The following MEGF6 variants were observed in gnomAD, a reference collection of about 807,000 sequenced individuals.
MEGF6 encodes multiple epidermal growth factor-like domains protein 6.
Under a neutral mutation model 207.1 loss-of-function variants are expected in MEGF6, and 184 were observed. That is an observed-to-expected ratio of 0.89 (90% CI 0.79 to 1.00). The LOEUF is 1.00. MEGF6 is among the 50% of genes least tolerant of loss of function. MEGF6 has a pLI of 0.00. For missense variants in MEGF6, 2,282 were observed against 2,202.9 expected (o/e 1.04, Z -0.72); for synonymous variants, 1,038 against 910.0 (o/e 1.14, Z -2.53).
the MEGF6 span, among the ~76,000 whole-genome samples, chr1:3,621,585 C>T: frequency 6.6e-6 from 1 of 152,186 alleles, no homozygotes; most frequent in Non-Finnish European, 1.5e-5. Flanking sequence ...TCTTATTACA[C>T]CGGAACAGCT....
intron 4 of MEGF6, among the ~76,000 whole-genome samples, chr1:3,558,622 A>G (rs970461371): frequency 1.1e-4 from 16 of 152,336 alleles, no homozygotes; most frequent in African/African-American, 3.8e-4. Context: ...GTGCGGTCCA[A>G]CTGCAGCCAA....
At chr1:3,563,651 A>G (rs979763587) in intron 4 of MEGF6, among the ~76,000 whole-genome samples, 11 of 152,210 alleles carry the variant, frequency 7.2e-5, no homozygotes, top group Non-Finnish European at 1.3e-4. Flanking sequence ...CGTCGGTTCT[A>G]TGGTTTTCTG....
At chr1:3,597,152 G>C (rs141400837) in intron 2 of MEGF6, among the ~76,000 whole-genome samples, 1 of 152,364 alleles carries the variant, frequency 6.6e-6, no homozygotes, top group East Asian at 1.9e-4. Context: ...GGTTCACGCA[G>C]GGCTGGGGTC....
At chr1:3,531,498 G>T in intron 4 of MEGF6, 1 of 1,062,806 alleles carries the variant, frequency 9.4e-7, no homozygotes, top group Non-Finnish European at 1.1e-6. Flanking sequence ...GACAACCGAG[G>T]GAGCCGCCCC....
chr1:3,593,049 G>A (rs549416466), intron 3 of MEGF6, among the ~76,000 whole-genome samples: 11 of 152,212 alleles, frequency 7.2e-5, no homozygotes, highest in South Asian at 6.2e-4. Context: ...GAGCCACCAC[G>A]TTCTTCTAAG....
In MEGF6 at chr1:3,499,938, C is replaced by A; in HGVS notation, c.2708-14G>T. The stretch of plus-strand genomic sequence containing the variant: ...CCTGGGGACACTCTGAGATATGCAG[C>A]CCCGGCCCACAGTCAGCCAGAGGGC... On this transcript the variant is annotated splice_polypyrimidine_tract_variant and intron_variant, in intron 21 of 36. Transcript: ENST00000356575. 6.5e-7 allele frequency: 1 copy of A among 1,549,122 alleles called. No individual in the cohort carries two copies. Among genetic ancestry groups the A allele is most frequent in the Admixed American group, 1.9e-5 (1 of 52,094 alleles).
Position 3,579,908 on chromosome 1 carries a change from C to T in MEGF6, c.398G>A (p.Cys133Tyr). The change falls in exon 4 of 37, where the codon TGT becomes TAT. Residue 133 changes from cysteine (C) to tyrosine (Y), a missense_variant. Coordinates refer to ENST00000356575, the MANE Select transcript of MEGF6 (RefSeq NM_001409.4). ...CLSAECSASL[C>Y]FHGGRCVPGS... ...TGGCACACAACGGCCACCGTGAAAA[C>T]AGAGGCTGGCGCTGCATTCAGCTGC... 6.5e-7 allele frequency: 1 copy of T among 1,533,226 alleles called. No homozygotes were observed. 95.0% of individuals were successfully genotyped at this position (1,533,226 alleles called of 1,614,324 possible).
At chr1:3,575,423 C>G (rs1429340785) in intron 4 of MEGF6, among the ~76,000 whole-genome samples, 1 of 152,168 alleles carries the variant, frequency 6.6e-6, no homozygotes, top group Non-Finnish European at 1.5e-5. Context: ...GGGGGATCTT[C>G]CAAACCCTGG....
intron 4 of MEGF6, among the ~76,000 whole-genome samples, chr1:3,527,110 C>G (rs555916508): frequency 1.3e-5 from 2 of 152,232 alleles, no homozygotes; most frequent in African/African-American, 4.8e-5. Flanking sequence ...CGGCTGTGAC[C>G]ACCAAGGCCT....
intron 4 of MEGF6, among the ~76,000 whole-genome samples, chr1:3,578,810 A>G (rs547578915): frequency 6.6e-5 from 10 of 151,688 alleles, no homozygotes; most frequent in African/African-American, 2.4e-4. Context: ...CCTGGTCCCC[A>G]GCGGAACGTG....
rs570179454 is a variant in MEGF6, at chr1:3,601,375, T to C, written c.266+1091A>G. On this transcript the variant is annotated intron_variant, in intron 2 of 36. Coordinates refer to ENST00000356575, the MANE Select transcript of MEGF6 (RefSeq NM_001409.4). ...CACAGGGCAGGCCCGCATCCACGCA[T>C]GGGTGACAGTCAGGACAGACTGCAA... Among the ~76,000 whole-genome samples, 5 of 152,360 alleles carry C rather than the reference T, an allele frequency of 3.3e-5. No homozygotes were observed. The South Asian group carries it at 8.3e-4, about 25-fold the overall frequency.
At chr1:3,504,410 G>A (rs148098132) in intron 17 of MEGF6, among the ~76,000 whole-genome samples, 2 of 152,166 alleles carry the variant, frequency 1.3e-5, no homozygotes, top group East Asian at 1.9e-4. Flanking sequence ...AGACTGAGGA[G>A]TGACCATCCC....
the MEGF6 span, among the ~76,000 whole-genome samples, chr1:3,618,045 A>T: frequency 1.3e-5 from 2 of 152,040 alleles, no homozygotes; most frequent in African/African-American, 4.8e-5. This position sits in a 1 kb window ranked among gnomAD's most constrained non-coding sequence, Gnocchi z 4.7. Context: ...GGGCAGCGAC[A>T]CCCTGCAGGC....
Position 3,490,396 on chromosome 1 carries a change from C to A in MEGF6, c.*132G>T. On this transcript the variant is annotated 3_prime_UTR_variant, in exon 37 of 37. Coordinates refer to ENST00000356575, the MANE Select transcript of MEGF6 (RefSeq NM_001409.4). The stretch of plus-strand genomic sequence containing the variant: ...CGACAGGTTGCTGGGCTGTCCACAG[C>A]CCTCCACGGCCCTCAAAGGAAGGGC... The A allele has an allele frequency of 2.0e-6, 2 of 1,003,740 alleles. No homozygotes were observed. The highest frequency in any genetic ancestry group is 2.9e-5 in the South Asian group (2 of 68,746). 62.2% of individuals were successfully genotyped at this position (1,003,740 alleles called of 1,614,324 possible). A position where few individuals can be genotyped will look rare whatever the true frequency, so the allele number is the denominator to read the frequency against.
intron 14 of MEGF6, 108 bp from the exon 15 acceptor site, chr1:3,506,344 G>T (rs1240979013): frequency 7.2e-7 from 1 of 1,387,644 alleles, no homozygotes; most frequent in East Asian, 2.5e-5. Flanking sequence ...ACAGGAGCTG[G>T]GAGCAGCCCC....
At position 3,509,907 on chromosome 1, in the gene MEGF6, G is replaced by A. The variant is rs747496814; in HGVS notation, c.1320C>T (p.Ala440=). The change falls in exon 11 of 37, where the codon GCC becomes GCT. Residue 440 remains alanine, a synonymous_variant. Coordinates refer to ENST00000356575, the MANE Select transcript of MEGF6 (RefSeq NM_001409.4). ...TACGGTCCTCGTGCAGCCGGTAGCC[G>A]GCCTCGCAGGAGCACTGGAAGGAGC... ...LAGSFQCSCE[A]GYRLHEDRRG... 1.5e-5 allele frequency: 23 copies of A among 1,562,624 alleles called. No homozygotes were observed. Among genetic ancestry groups the A allele is most frequent in the Admixed American group, 5.7e-5 (3 of 52,566 alleles).
chr1:3,591,509 C>A (rs1643977213), intron 3 of MEGF6, among the ~76,000 whole-genome samples: 1 of 152,206 alleles, frequency 6.6e-6, no homozygotes, highest in African/African-American at 2.4e-5. Flanking sequence ...TGTATACAGG[C>A]ACCAAGCAAA....
chr1:3,504,210 A>T (rs1306184709), intron 17 of MEGF6, among the ~76,000 whole-genome samples: 1 of 152,130 alleles, frequency 6.6e-6, no homozygotes, highest in Admixed American at 6.5e-5. Context: ...TGCTGGTCAC[A>T]CAGCAGGCCC....
chr1:3,518,582 G>T (rs1641629820), intron 5 of MEGF6, among the ~76,000 whole-genome samples: 1 of 152,252 alleles, frequency 6.6e-6, no homozygotes, highest in Non-Finnish European at 1.5e-5. Context: ...GCCGAGGCAG[G>T]GGCTGGACAC....
Sources: allele counts gnomAD v4.1 joint callset (sites outside exome capture counted in the v4.1 genomes callset), GRCh38; gene constraint gnomAD v4.1.1; non-coding constraint Gnocchi (gnomAD v3.1); transcripts MANE v1.5; gene names NCBI Gene and HGNC (gene_info 2026-07-23, HGNC 2026-07-21).